Variants in TFRC observed in about 807,000 individuals in gnomAD.
TFRC encodes transferrin receptor.
In TFRC, 35 loss-of-function variants were observed where a neutral mutation model predicts 85.8. That is an observed-to-expected ratio of 0.41 (90% CI 0.31 to 0.54). The LOEUF (loss-of-function observed/expected upper bound fraction) is 0.54, where lower values mean the gene tolerates loss of function less well. Among genes scored for constraint, TFRC ranks in the 20% least tolerant of loss-of-function variants. The pLI is 0.31. For synonymous variants in TFRC, 362 were observed against 328.6 expected (o/e 1.10, Z -1.10); for missense variants, 828 against 921.5 (o/e 0.90, Z 1.31).
intron 13 of TFRC, chr3:196,060,497 T>A (rs969586244): frequency 6.2e-5 from 27 of 437,274 alleles, no homozygotes; most frequent in Admixed American, 2.0e-4. Context: ...TCACCTTTTT[T>A]AAAAATATCA....
rs1384530425 is a variant in TFRC at position 196,055,220 on chromosome 3, C to T, written c.1759G>A (p.Ala587Thr). 6.2e-7 allele frequency: 1 copy of T among 1,614,194 alleles called. No individual in the cohort carries two copies. The highest frequency in any genetic ancestry group is 1.1e-5 in the South Asian group (1 of 91,084). Residue 587 changes from alanine to threonine, a missense_variant, in exon 17 of 19, where the codon GCA becomes ACA. Physicochemically the swap from Ala to Thr is moderately conservative, Grantham distance 58 (BLOSUM62 0). Coordinates refer to ENST00000360110, the MANE Select transcript of TFRC (RefSeq NM_001128148.3). ...CCAGCGACCTCTGCAGCTGCTCGTG[C>T]CACTTTGTTCAACTCAGGAATCCTC... ...IERIPELNKV[A>T]RAAAEVAGQF... is the part of the protein sequence containing the mutation.
At position 196,075,598 on chromosome 3, in the gene TFRC, C is replaced by G. The variant is rs1487668597; in HGVS notation, c.37-238G>C. Reference sequence around the variant, plus strand: ...TTTTTTTTTGAGACAAGGTCTCCCTCTCTCTCCCAGGATGGAGTACAGTGG... The same window carrying G: ...TTTTTTTTTGAGACAAGGTCTCCCTGTCTCTCCCAGGATGGAGTACAGTGG... On this transcript the variant is annotated intron_variant, in intron 2 of 18. Coordinates refer to ENST00000360110, the MANE Select transcript of TFRC (RefSeq NM_001128148.3). Among the ~76,000 whole-genome samples, 11 of 151,256 alleles carry G rather than the reference C, an allele frequency of 7.3e-5. No homozygotes were observed. The South Asian group carries it at 1.3e-3, about 17-fold the overall frequency.
chr3:196,058,680 T>C (rs764147089), intron 14 of TFRC, 48 bp from the exon 15 acceptor site: 20 of 1,398,272 alleles, frequency 1.4e-5, no homozygotes, highest in Non-Finnish European at 1.8e-5. Flanking sequence ...GGAACTTATT[T>C]ATTCAGGCTA....
rs1461496815 is a variant in TFRC at position 196,052,032 on chromosome 3, G to C, written c.2193C>G (p.Phe731Leu). 20 of 1,614,058 alleles carry C rather than the reference G, an allele frequency of 1.2e-5. No homozygotes were observed. In the African/African-American group the frequency reaches 2.1e-4, roughly 17 times the overall value. ...AAGTAGCTAGAGCCAACTGGTTTCT[G>C]AACAGCGTTTCATTAAAAGCACCGT... ...QNNGAFNETL[F>L]RNQLALATWT... The change falls in exon 19 of 19, where the codon TTC becomes TTG. Residue 731 changes from phenylalanine to leucine, a missense_variant. Coordinates refer to ENST00000360110, the MANE Select transcript of TFRC (RefSeq NM_001128148.3).
intron 18 of TFRC, among the ~76,000 whole-genome samples, chr3:196,053,108 C>T (rs1241547868): frequency 6.8e-6 from 1 of 147,972 alleles, no homozygotes; most frequent in Non-Finnish European, 1.5e-5. Flanking sequence ...CAGTGAAACT[C>T]TGTCTCAAAA....
Position 196,073,950 on chromosome 3 carries a change from T to C in TFRC, c.414A>G (p.Thr138=). 3 of 1,614,008 alleles carry C rather than the reference T, an allele frequency of 1.9e-6. No individual in the cohort carries two copies. The highest frequency in any genetic ancestry group is 1.1e-5 in the South Asian group (1 of 91,052). Residue 138 remains threonine, a synonymous_variant, in exon 4 of 19, where the codon ACA becomes ACG. Coordinates refer to ENST00000360110, the MANE Select transcript of TFRC (RefSeq NM_001128148.3). ...KRKLSEKLDS[T]DFTGTIKLLN... is the part of the protein sequence containing the mutation. ...CTCACTTGATGGTGCCGGTGAAGTC[T>C]GTGCTGTCCAGTTTCTCCGACAACT...
chr3:196,052,578 T>C (rs888318685), intron 18 of TFRC, among the ~76,000 whole-genome samples: 10 of 152,060 alleles, frequency 6.6e-5, no homozygotes, highest in Non-Finnish European at 1.5e-4. Flanking sequence ...GCAGCTGGAA[T>C]TACAGGCATG....
At position 196,068,119 on chromosome 3, in the gene TFRC, A is replaced by G. The variant is rs978203106; in HGVS notation, c.813T>C (p.Ala271=). 2.6e-5 allele frequency: 42 copies of G among 1,611,310 alleles called. No individual in the cohort carries two copies. Among genetic ancestry groups the G allele is most frequent in the Non-Finnish European group, 3.3e-5 (39 of 1,179,008 alleles). ...KITFAEKVAN[A]ESLNAIGVLI... ...ACACACCAATTGCATTTAAGCTTTCAGCATTTGCAACCTAAAAGAAAACAT... is the reference window on the plus strand; with the variant it reads ...ACACACCAATTGCATTTAAGCTTTCGGCATTTGCAACCTAAAAGAAAACAT... Residue 271 remains alanine, a synonymous_variant, in exon 8 of 19, where the codon GCT becomes GCC. Transcript: ENST00000360110.
At chr3:196,073,640 A>G (rs1211487225) in intron 4 of TFRC, among the ~76,000 whole-genome samples, 1 of 152,210 alleles carries the variant, frequency 6.6e-6, no homozygotes, top group African/African-American at 2.4e-5. Flanking sequence ...GGTTAAGAAG[A>G]AAAATCAGAG....
chr3:196,071,573 C>T, intron 5 of TFRC, 75 bp from the exon 6 acceptor site: 1 of 1,406,666 alleles, frequency 7.1e-7, no homozygotes, highest in Non-Finnish European at 1.0e-6. Flanking sequence ...TTTAGTATGT[C>T]TTGCATTATT....
rs1406331744 is a variant in TFRC at position 196,074,015 on chromosome 3, G to A, written c.349C>T (p.Pro117Ser). 6.2e-7 allele frequency: 1 copy of A among 1,614,136 alleles called. No homozygotes were observed. The highest frequency in any genetic ancestry group is 8.5e-7 in the Non-Finnish European group (1 of 1,180,032). ...TCCCAATATAAGCGACGTGCTGCAG[G>A]GAAGTCCTCTCCTGGCTCCTCCCTC... ...PVREEPGEDF[P>S]AARRLYWDDL... Residue 117 changes from proline (P) to serine (S), a missense_variant, in exon 4 of 19, where the codon CCT (proline) becomes TCT (serine). Coordinates refer to ENST00000360110, the MANE Select transcript of TFRC (RefSeq NM_001128148.3).
intron 6 of TFRC, 93 bp downstream of exon 6, chr3:196,071,303 T>C: frequency 8.2e-7 from 1 of 1,220,202 alleles, no homozygotes; most frequent in Non-Finnish European, 1.2e-6. Context: ...CATTTACATT[T>C]TACAGGTAAA....
rs202085478 is a variant in TFRC at position 196,069,556 on chromosome 3, G to A, written c.700C>T (p.His234Tyr). The A allele has an allele frequency of 1.9e-6, 3 of 1,600,412 alleles. No individual in the cohort carries two copies. The highest frequency in any genetic ancestry group is 2.6e-6 in the Non-Finnish European group (3 of 1,168,152). The change falls in exon 7 of 19, where the codon CAT (histidine) becomes TAT (tyrosine). Residue 234 changes from histidine to tyrosine, a missense_variant. Transcript: ENST00000360110. ...KAATVTGKLV[H>Y]ANFGTKKDFE... ...TCTTTTTTAGTACCAAAATTAGCATGGACCAGTTTACCCTAGAACAAAGAC... is the reference window on the plus strand; with the variant it reads ...TCTTTTTTAGTACCAAAATTAGCATAGACCAGTTTACCCTAGAACAAAGAC...
In TFRC at chr3:196,069,538, T is replaced by C. The variant is rs1281548902; in HGVS notation, c.718A>G (p.Lys240Glu). ...GTGTATAAATCCTCAAAATCTTTTT[T>C]AGTACCAAAATTAGCATGGACCAGT... ...GKLVHANFGTKKDFEDLYTPV... is the reference protein window; with the variant it reads ...GKLVHANFGTEKDFEDLYTPV... Residue 240 changes from lysine (K) to glutamate (E), a missense_variant, in exon 7 of 19, where the codon AAA (lysine) becomes GAA (glutamate). Lys to Glu is a moderately conservative substitution (Grantham distance 56). Coordinates refer to ENST00000360110, the MANE Select transcript of TFRC (RefSeq NM_001128148.3). The C allele has an allele frequency of 6.2e-7, 1 of 1,612,502 alleles. No individual in the cohort carries two copies.
Position 196,051,801 on chromosome 3 carries a change from T to A in TFRC, c.*141A>T, listed in dbSNP as rs1394341508. On this transcript the variant is annotated 3_prime_UTR_variant, in exon 19 of 19. Coordinates refer to ENST00000360110, the MANE Select transcript of TFRC (RefSeq NM_001128148.3). The stretch of plus-strand genomic sequence containing the variant: ...CTACCCTGTATTAAAAGCTGCTGCC[T>A]AAAGACATCTAGTAGTACCAAGATG... The A allele has an allele frequency of 3.0e-6, 3 of 988,700 alleles. No individual in the cohort carries two copies. The highest frequency in any genetic ancestry group is 4.5e-6 in the Non-Finnish European group (3 of 672,572). 61.2% of individuals were successfully genotyped at this position (988,700 alleles called of 1,614,324 possible).
chr3:196,071,501 G>A lies in TFRC; in HGVS notation c.585-3C>T. On this transcript the variant is annotated splice_region_variant and splice_polypyrimidine_tract_variant and intron_variant, in intron 5 of 18. Coordinates refer to ENST00000360110, the MANE Select transcript of TFRC (RefSeq NM_001128148.3). ...CTATGATCACCGAGTTTTGAGCGCT[G>A]TTAAAAAGATTAAGTTAAAATAAGC... 6.2e-7 allele frequency: 1 copy of A among 1,613,624 alleles called. No homozygotes were observed. Among genetic ancestry groups the A allele is most frequent in the Non-Finnish European group, 8.5e-7 (1 of 1,179,650 alleles).
chr3:196,053,343 C>G (rs773059346), intron 18 of TFRC, 75 bp downstream of exon 18: 74 of 1,537,990 alleles, frequency 4.8e-5, no homozygotes, highest in Non-Finnish European at 6.5e-5. Flanking sequence ...AGAGTTTGTC[C>G]ACTTTGCAGA....
intron 13 of TFRC, 37 bp downstream of exon 13, chr3:196,062,545 C>A (rs776705248): frequency 2.5e-6 from 4 of 1,583,538 alleles, no homozygotes; most frequent in South Asian, 1.1e-5. Flanking sequence ...AAAAAGTTTA[C>A]CTGAATTCAT....
At chr3:196,069,896 T>C (rs1718047072) in intron 6 of TFRC, among the ~76,000 whole-genome samples, 1 of 152,182 alleles carries the variant, frequency 6.6e-6, no homozygotes, top group East Asian at 1.9e-4. Context: ...CTTGAGGACA[T>C]CATAGAAATA....
Sources: allele counts gnomAD v4.1 joint callset (sites outside exome capture counted in the v4.1 genomes callset), GRCh38; gene constraint gnomAD v4.1.1; transcripts MANE v1.5; gene names NCBI Gene and HGNC (gene_info 2026-07-23, HGNC 2026-07-21).